The following HERC2 variants were observed in gnomAD, a reference collection of about 807,000 sequenced individuals.
HERC2 encodes the protein E3 ubiquitin-protein ligase HERC2.
A neutral mutation model predicts 537.7 loss-of-function variants in HERC2; 102 were observed. The ratio of observed to expected loss-of-function variants is 0.19; its 90% CI spans 0.16 to 0.22. HERC2 has a LOEUF of 0.22. Among genes scored for constraint, HERC2 ranks in the 10% least tolerant of loss-of-function variants. HERC2 has a pLI of 1.00. For missense variants in HERC2, 4,236 were observed against 6,198.2 expected, an observed-to-expected ratio of 0.68 and a Z score of 10.63; for synonymous variants, 2,224 against 2,466.2, an observed-to-expected ratio of 0.90 and a Z score of 2.91.
rs145385813 is a variant in HERC2 at position 28,111,368 on chromosome 15, T to C, written c.*395A>G. ...CGATTTGTTACACAGTTATTTCCAATATACAATCAAGACGACTCACGACAC... is the reference window on the plus strand; with the variant it reads ...CGATTTGTTACACAGTTATTTCCAACATACAATCAAGACGACTCACGACAC... On this transcript the variant is annotated 3_prime_UTR_variant, in exon 93 of 93. Transcript: ENST00000261609. The C allele has an allele frequency of 3.4e-3, 673 of 200,640 alleles. 5 individuals are homozygous for C. The highest frequency in any genetic ancestry group is 0.015 in the African/African-American group (633 of 43,394). 12.4% of individuals were successfully genotyped at this position (200,640 alleles called of 1,614,324 possible). A position where few individuals can be genotyped will look rare whatever the true frequency, so the allele number is the denominator to read the frequency against.
intron 4 of HERC2, among the ~76,000 whole-genome samples, chr15:28,289,203 C>G (rs1011469150): frequency 2.0e-5 from 3 of 151,910 alleles, no homozygotes; most frequent in Admixed American, 6.6e-5. Context: ...TATATGATAC[C>G]TGAAAGAAAT....
At chr15:28,259,904 G>A (rs1462284724) in intron 16 of HERC2, among the ~76,000 whole-genome samples, 1 of 149,556 alleles carries the variant, frequency 6.7e-6, no homozygotes, top group Non-Finnish European at 1.5e-5. Flanking sequence ...GGAGGCACAG[G>A]TTGCAGAGAG....
In HERC2 at chr15:28,314,683, C is replaced by G. The variant is rs1359706678; in HGVS notation, c.72+6679G>C. 2.0e-5 allele frequency among the ~76,000 whole-genome samples: 3 copies of G among 151,682 alleles called. No individual in the cohort carries two copies. In the East Asian group the frequency reaches 5.8e-4, roughly 29 times the overall value. On this transcript the variant is annotated intron_variant, in intron 2 of 92. Coordinates refer to ENST00000261609, the MANE Select transcript of HERC2 (RefSeq NM_004667.6). ...CAGCCTGGCCAACATGATGAAACCC[C>G]GTCTCTACTAAAAATACAAAAAAAA...
chr15:28,120,403 A>C (rs191109490), intron 86 of HERC2, among the ~76,000 whole-genome samples: 152 of 152,354 alleles, frequency 1.0e-3, no homozygotes, highest in Non-Finnish European at 1.9e-3. Flanking sequence ...GTACAGGAAC[A>C]AAGAATTTGT....
At position 28,256,150 on chromosome 15, in the gene HERC2, G is replaced by A. The variant is rs1057111748; in HGVS notation, c.2685C>T (p.Ser895=). The change falls in exon 18 of 93, where the codon TCC becomes TCT. Residue 895 remains serine, a synonymous_variant. Transcript: ENST00000261609. Reference sequence around the variant, plus strand: ...GCTCCTCCGCGGTGGGCAGCAGCACGGACCAGCCACTCTGCAGCACGGCCT... The same window carrying A: ...GCTCCTCCGCGGTGGGCAGCAGCACAGACCAGCCACTCTGCAGCACGGCCT... ...AAQAVLQSGW[S]VLLPTAEERA... The A allele has an allele frequency of 2.5e-6, 4 of 1,600,904 alleles. No individual in the cohort carries two copies. Among genetic ancestry groups the A allele is most frequent in the African/African-American group, 1.3e-5 (1 of 74,894 alleles).
At chr15:28,123,236 A>AC (rs1450038736) in intron 85 of HERC2, among the ~76,000 whole-genome samples, 2 of 152,224 alleles carry the variant, frequency 1.3e-5, no homozygotes, top group Non-Finnish European at 2.9e-5. Context: ...TTAAAAAGTA[A>AC]CCTGCTGGGA....
At chr15:28,227,215 C>T (rs1901283372) in intron 35 of HERC2, among the ~76,000 whole-genome samples, 2 of 152,084 alleles carry the variant, frequency 1.3e-5, no homozygotes, top group African/African-American at 4.8e-5. Context: ...GCGGAGGTTG[C>T]AGTGAGCTGA....
In HERC2 at chr15:28,280,054, C is replaced by T. The variant is rs943359843; in HGVS notation, c.542+14G>A. ...TTAACTGGCATCAGGATTCTTTCTT[C>T]GCTTTATTGTTACCTTTTTTTGTCC... On this transcript the variant is annotated intron_variant, in intron 5 of 92. Coordinates refer to ENST00000261609, the MANE Select transcript of HERC2 (RefSeq NM_004667.6). 4 of 1,591,192 alleles carry T rather than the reference C, an allele frequency of 2.5e-6. No individual in the cohort carries two copies. The highest frequency in any genetic ancestry group is 2.3e-5 in the South Asian group (2 of 88,556).
At chr15:28,313,369 C>T (rs1266905395) in intron 2 of HERC2, among the ~76,000 whole-genome samples, 10 of 152,132 alleles carry the variant, frequency 6.6e-5, no homozygotes, top group African/African-American at 2.2e-4. Context: ...TTAGTAGAGA[C>T]GGGGTTTCAC....
intron 80 of HERC2, 116 bp downstream of exon 80, chr15:28,132,537 A>T: frequency 9.5e-7 from 1 of 1,056,236 alleles, no homozygotes; most frequent in South Asian, 2.7e-5. Context: ...CCAAAAATAC[A>T]GTGGGCCTTC....
At position 28,260,858 on chromosome 15, in the gene HERC2, C is replaced by T. The variant is rs1174913884; in HGVS notation, c.2235G>A (p.Leu745=). 3 of 1,614,122 alleles carry T rather than the reference C, an allele frequency of 1.9e-6. No homozygotes were observed. The African/African-American group carries it at 4.0e-5, about 22-fold the overall frequency. The change falls in exon 16 of 93, where the codon TTG becomes TTA. Residue 745 remains leucine (L), a synonymous_variant. Transcript: ENST00000261609. ...SNDQCQHFDT[L]RVTKPEPAAL... is the part of the protein sequence containing the mutation. ...CTGCAGGTTCTGGCTTGGTCACGCGCAAGGTGTCAAAGTGCTGGCACTGGT... is the reference window on the plus strand; with the variant it reads ...CTGCAGGTTCTGGCTTGGTCACGCGTAAGGTGTCAAAGTGCTGGCACTGGT...
At chr15:28,308,230 A>T (rs1310468371) in intron 2 of HERC2, among the ~76,000 whole-genome samples, 2 of 152,164 alleles carry the variant, frequency 1.3e-5, no homozygotes, top group Non-Finnish European at 2.9e-5. Context: ...AATGTCTTTC[A>T]TCAGCGTTTT....
At chr15:28,121,213 G>A (rs1888847606) in intron 86 of HERC2, 133 bp downstream of exon 86, 2 of 707,008 alleles carry the variant, frequency 2.8e-6, no homozygotes, top group Admixed American at 2.5e-5. Flanking sequence ...CCACAAAAAG[G>A]AAGGTGGCAC....
chr15:28,127,028 G>C (rs1019049193), intron 83 of HERC2, among the ~76,000 whole-genome samples: 9 of 152,194 alleles, frequency 5.9e-5, no homozygotes, highest in African/African-American at 2.2e-4. Context: ...GGTCCCTGGT[G>C]ACCAGGATGG....
intron 14 of HERC2, among the ~76,000 whole-genome samples, chr15:28,263,507 A>G (rs940021024): frequency 3.3e-5 from 5 of 152,198 alleles, no homozygotes; most frequent in African/African-American, 1.2e-4. Flanking sequence ...GGCACATTGC[A>G]GATGCTTGCG....
intron 20 of HERC2, among the ~76,000 whole-genome samples, chr15:28,249,298 G>A (rs866991605): frequency 6.6e-6 from 1 of 152,196 alleles, no homozygotes; most frequent in Non-Finnish European, 1.5e-5. Flanking sequence ...AGCAGGTGCC[G>A]AGGGCTCAGG....
intron 75 of HERC2, 92 bp downstream of exon 75, chr15:28,142,735 G>T: frequency 7.0e-7 from 1 of 1,423,400 alleles, no homozygotes; most frequent in Non-Finnish European, 9.6e-7. Flanking sequence ...GCCCTCAGAG[G>T]CCTAAAACAC....
At chr15:28,287,473 G>A (rs1212353682) in intron 4 of HERC2, among the ~76,000 whole-genome samples, 3 of 152,100 alleles carry the variant, frequency 2.0e-5, no homozygotes, top group Admixed American at 6.5e-5. Context: ...CAAGAAAGGT[G>A]TATTTCGGGT....
chr15:28,177,536 G>A lies in HERC2; in HGVS notation c.9164-27C>T, dbSNP rs750366498. On this transcript the variant is annotated intron_variant, in intron 59 of 92. Coordinates refer to ENST00000261609, the MANE Select transcript of HERC2 (RefSeq NM_004667.6). The surrounding 1 kb of genome is among the most constrained non-coding windows in gnomAD (Gnocchi z 5.0). ...TGCAACATTCACAGACACACGGATT[G>A]CCAAAGGGCAGGGAACAGAAAGCCC... The A allele has an allele frequency of 6.2e-7, 1 of 1,609,622 alleles. No homozygotes were observed. Among genetic ancestry groups the A allele is most frequent in the African/African-American group, 1.3e-5 (1 of 74,952 alleles).
Sources: allele counts gnomAD v4.1 joint callset (sites outside exome capture counted in the v4.1 genomes callset), GRCh38; gene constraint gnomAD v4.1.1; non-coding constraint Gnocchi (gnomAD v3.1); transcripts MANE v1.5; gene names NCBI Gene and HGNC (gene_info 2026-07-23, HGNC 2026-07-21).